Variants in RNF103 observed in about 807,000 individuals in gnomAD.
RNF103 encodes the protein ring finger protein 103, also known as E3 ubiquitin-protein ligase RNF103.
RNF103 carries 23 observed loss-of-function variants against 66.2 expected under a neutral mutation model. That is an observed-to-expected ratio of 0.35 (90% CI 0.25 to 0.49). The LOEUF is 0.49. Among genes scored for constraint, RNF103 ranks in the 20% least tolerant of loss-of-function variants. The probability of loss-of-function intolerance (pLI) is 0.98; values close to 1 mark genes in which losing one functional copy is unlikely to be tolerated. For missense variants in RNF103, 730 were observed against 814.7 expected, an observed-to-expected ratio of 0.90 and a Z score of 1.27; for synonymous variants, 297 against 289.9, an observed-to-expected ratio of 1.02 and a Z score of -0.25.
Position 86,604,531 on chromosome 2 carries a change from C to G in RNF103, c.1370G>C (p.Ser457Thr). 3.7e-6 allele frequency: 6 copies of G among 1,614,200 alleles called. No individual in the cohort carries two copies. Among genetic ancestry groups the G allele is most frequent in the Non-Finnish European group, 4.2e-6 (5 of 1,180,044 alleles). ...GTAGCTGGTGTACCAGTCCCACAGA[C>G]TTGATAACCATTCTAAGTTATTGGC... Reference protein sequence around the residue: ...VNANNLEWLSSLWDWYTSYLF... With the variant: ...VNANNLEWLSTLWDWYTSYLF... Residue 457 changes from serine (S) to threonine (T), a missense_variant, in exon 4 of 4, where the codon AGT becomes ACT. Physicochemically the swap from Ser to Thr is moderately conservative, Grantham distance 58 (BLOSUM62 1). Coordinates refer to ENST00000237455, the MANE Select transcript of RNF103 (RefSeq NM_005667.4).
Position 86,604,024 on chromosome 2 carries a change from T to C in RNF103, c.1877A>G (p.Glu626Gly). 6.2e-7 allele frequency: 1 copy of C among 1,614,138 alleles called. No individual in the cohort carries two copies. The highest frequency in any genetic ancestry group is 1.1e-5 in the South Asian group (1 of 91,082). The change falls in exon 4 of 4, where the codon GAG (glutamate) becomes GGG (glycine). Residue 626 changes from glutamate (E) to glycine (G), a missense_variant. Glu to Gly is a moderately conservative substitution (Grantham distance 98, BLOSUM62 -2). Around this residue, in one of 3 missense-constraint regions of RNF103, gnomAD observed 355 missense variants for 351.9 expected, o/e 1.01. Coordinates refer to ENST00000237455, the MANE Select transcript of RNF103 (RefSeq NM_005667.4). The part of the protein sequence containing the change: ...LHCTECVVCL[E>G]NFENGCLLMG... ...TAGCAAACATCCATTTTCAAAATTC[T>C]CTAGGCAAACAACACATTCAGTACA...
intron 2 of RNF103, 45 bp from the exon 3 acceptor site, chr2:86,612,319 G>C: frequency 9.0e-7 from 1 of 1,105,292 alleles, no homozygotes; most frequent in South Asian, 1.3e-5. Flanking sequence ...TACCTAAAAT[G>C]GAGTCAAGCC....
Position 86,623,567 on chromosome 2 carries a change from G to C in RNF103, c.-681C>G, listed in dbSNP as rs1415423437. On this transcript the variant is annotated 5_prime_UTR_variant, in exon 1 of 4. Coordinates refer to ENST00000237455, the MANE Select transcript of RNF103 (RefSeq NM_005667.4). ...CACGGCGGCGGCTCCAGGTTCGCTCGGGCCGGCTGGCGGGCGGCGCCTCTC... is the reference window on the plus strand; with the variant it reads ...CACGGCGGCGGCTCCAGGTTCGCTCCGGCCGGCTGGCGGGCGGCGCCTCTC... 2.0e-6 allele frequency: 2 copies of C among 995,716 alleles called. No individual in the cohort carries two copies. Among genetic ancestry groups the C allele is most frequent in the African/African-American group, 1.8e-5 (1 of 57,122 alleles). 61.7% of individuals were successfully genotyped at this position (995,716 alleles called of 1,614,324 possible).
intron 3 of RNF103, among the ~76,000 whole-genome samples, chr2:86,607,293 T>G (rs903068447): frequency 6.6e-6 from 1 of 152,202 alleles, no homozygotes; most frequent in Non-Finnish European, 1.5e-5. Context: ...AATAAACATA[T>G]TACACATCAT....
intron 1 of RNF103, 79 bp from the exon 2 acceptor site, chr2:86,620,548 C>A: frequency 7.1e-7 from 1 of 1,409,436 alleles, no homozygotes; most frequent in South Asian, 1.8e-5. Flanking sequence ...ATTTTTTACA[C>A]TGTTAAGAAT....
rs376209831 is a variant in RNF103, at chr2:86,604,473, A to T, written c.1428T>A (p.Phe476Leu). ...CTTCGTCCCAATCAGATTCTACAGGAAAGTTCTGAAAAGAAGCAATCGGGT... is the reference window on the plus strand; with the variant it reads ...CTTCGTCCCAATCAGATTCTACAGGTAAGTTCTGAAAAGAAGCAATCGGGT... ...LFHPIASFQNFPVESDWDEDP... is the reference protein window; with the variant it reads ...LFHPIASFQNLPVESDWDEDP... The change falls in exon 4 of 4, where the codon TTT (phenylalanine) becomes TTA (leucine). Residue 476 changes from phenylalanine to leucine, a missense_variant. Transcript: ENST00000237455. 1 of 1,614,232 alleles carries T rather than the reference A, an allele frequency of 6.2e-7. No homozygotes were observed. The highest frequency in any genetic ancestry group is 8.5e-7 in the Non-Finnish European group (1 of 1,180,048).
intron 1 of RNF103, among the ~76,000 whole-genome samples, chr2:86,621,863 A>G (rs1208671895): frequency 6.6e-6 from 1 of 152,144 alleles, no homozygotes; most frequent in Non-Finnish European, 1.5e-5. Flanking sequence ...AATTAACCAT[A>G]TTTCTCACCC....
chr2:86,609,193 G>A (rs1004789251), intron 3 of RNF103, among the ~76,000 whole-genome samples: 3 of 152,062 alleles, frequency 2.0e-5, no homozygotes, highest in South Asian at 2.1e-4. Flanking sequence ...TAGTTTCCTC[G>A]AGAGTGGGCT....
chr2:86,613,720 T>C (rs1489960778), intron 2 of RNF103: 1 of 152,078 alleles, frequency 6.6e-6, no homozygotes, highest in Non-Finnish European at 1.5e-5. Flanking sequence ...TGCTAGAACG[T>C]CTAACAAATG....
chr2:86,623,875 C>A, upstream of RNF103: 1 of 1,287,342 alleles, frequency 7.8e-7, no homozygotes, highest in Non-Finnish European at 1.0e-6. Flanking sequence ...CAACTGACGT[C>A]GCGATGAGGC....
At chr2:86,609,508 T>G (rs1256832495) in intron 3 of RNF103, among the ~76,000 whole-genome samples, 1 of 151,666 alleles carries the variant, frequency 6.6e-6, no homozygotes, top group Non-Finnish European at 1.5e-5. Context: ...TGCCTCAGTC[T>G]CCCGAGTAGC....
chr2:86,622,963 C>A lies in RNF103; in HGVS notation c.-77G>T. 1 of 1,485,198 alleles carries A rather than the reference C, an allele frequency of 6.7e-7. No individual in the cohort carries two copies. Among genetic ancestry groups the A allele is most frequent in the South Asian group, 1.3e-5 (1 of 76,048 alleles). 92.0% of individuals were successfully genotyped at this position (1,485,198 alleles called of 1,614,324 possible). The stretch of plus-strand genomic sequence containing the variant: ...AGGGTCGAGGGCGGGGGCCGCGGCT[C>A]GGTGGCAGCTTGGGCGAGGGCCCCG... On this transcript the variant is annotated 5_prime_UTR_variant, in exon 1 of 4. Coordinates refer to ENST00000237455, the MANE Select transcript of RNF103 (RefSeq NM_005667.4).
In RNF103 at chr2:86,622,666, T is replaced by G; in HGVS notation, c.221A>C (p.Lys74Thr). The G allele has an allele frequency of 6.2e-7, 1 of 1,613,954 alleles. No homozygotes were observed. Among genetic ancestry groups the G allele is most frequent in the Non-Finnish European group, 8.5e-7 (1 of 1,179,968 alleles). Residue 74 changes from lysine to threonine, a missense_variant, in exon 1 of 4, where the codon AAG (lysine) becomes ACG (threonine). Physicochemically the swap from Lys to Thr is moderately conservative, Grantham distance 78. Coordinates refer to ENST00000237455, the MANE Select transcript of RNF103 (RefSeq NM_005667.4). ...AGGGGAAGCCCGATACTCGCCTGAC[T>G]TTTCCACCAGCTCCCGGACATCCTT... ...EKKDVRELVE[K>T]SGDLMEGELY...
chr2:86,606,439 C>T (rs1678552552), intron 3 of RNF103, among the ~76,000 whole-genome samples: 3 of 151,876 alleles, frequency 2.0e-5, no homozygotes, highest in African/African-American at 4.8e-5. Flanking sequence ...CCAAGGTGGG[C>T]AGATCACAAA....
At chr2:86,616,906 C>T (rs1679045097) in intron 2 of RNF103, 1 of 985,422 alleles carries the variant, frequency 1.0e-6, no homozygotes, top group African/African-American at 1.7e-5. Context: ...TGCCATCTGC[C>T]TCTCTGACCA....
chr2:86,622,577 T>G, intron 1 of RNF103, 84 bp downstream of exon 1: 2 of 1,395,764 alleles, frequency 1.4e-6, no homozygotes, highest in South Asian at 2.4e-5. Context: ...AAGGCCTCAC[T>G]CTGGGGGAAC....
intron 3 of RNF103, among the ~76,000 whole-genome samples, chr2:86,605,770 A>C (rs1375904015): frequency 6.6e-6 from 1 of 152,224 alleles, no homozygotes; most frequent in Non-Finnish European, 1.5e-5. Flanking sequence ...TATTAATGAG[A>C]CAAAATAGAG....
In RNF103 at chr2:86,604,813, T is replaced by C. The variant is rs751811518; in HGVS notation, c.1088A>G (p.Tyr363Cys). 2.0e-5 allele frequency: 33 copies of C among 1,614,030 alleles called. No homozygotes were observed. The highest frequency in any genetic ancestry group is 4.2e-6 in the Non-Finnish European group (5 of 1,180,040). Residue 363 changes from tyrosine (Y) to cysteine (C), a missense_variant, in exon 4 of 4, where the codon TAT (tyrosine) becomes TGT (cysteine). By Grantham distance (194) the Tyr-to-Cys change is radical. Coordinates refer to ENST00000237455, the MANE Select transcript of RNF103 (RefSeq NM_005667.4). ...FVVLISTLGT[Y>C]NSLLIISWLP... ...CCAGGAAATAATTAATAGAGAATTATATGTCCCTAAAGTGCTTATGAGAAC... is the reference window on the plus strand; with the variant it reads ...CCAGGAAATAATTAATAGAGAATTACATGTCCCTAAAGTGCTTATGAGAAC...
In RNF103 at chr2:86,623,166, C is replaced by T; in HGVS notation, c.-280G>A. 2 of 1,108,322 alleles carry T rather than the reference C, an allele frequency of 1.8e-6. No individual in the cohort carries two copies. The highest frequency in any genetic ancestry group is 6.5e-5 in the South Asian group (2 of 30,548). 68.7% of individuals were successfully genotyped at this position (1,108,322 alleles called of 1,614,324 possible). A position where few individuals can be genotyped will look rare whatever the true frequency, so the allele number is the denominator to read the frequency against. On this transcript the variant is annotated 5_prime_UTR_variant, in exon 1 of 4. Transcript: ENST00000237455. ...AAGGGGAAAAACTCAAAACCCCCAT[C>T]CATTAAGCACAGAAAGGAGAGGGGC...
Sources: allele counts gnomAD v4.1 joint callset (sites outside exome capture counted in the v4.1 genomes callset), GRCh38; gene constraint gnomAD v4.1.1; regional missense constraint gnomAD v4.1.1; transcripts MANE v1.5; gene names NCBI Gene and HGNC (gene_info 2026-07-23, HGNC 2026-07-21).